KLRG1: variants seen among roughly 807,000 people sequenced by gnomAD.
The protein encoded by KLRG1 is killer cell lectin like receptor G1, also known as killer cell lectin-like receptor subfamily G member 1.
KLRG1 carries 16 observed loss-of-function variants against 21.8 expected under a neutral mutation model. The ratio of observed to expected loss-of-function variants is 0.73; its 90% CI spans 0.50 to 1.11. The LOEUF is 1.11. KLRG1 is among the 50% of genes most tolerant of loss of function. KLRG1 has a pLI of 0.00. For missense variants in KLRG1, 173 were observed against 218.3 expected (o/e 0.79, Z 1.31); for synonymous variants, 69 against 75.9 (o/e 0.91, Z 0.47).
At chr12:9,061,588 A>G in the KLRG1 span, among the ~76,000 whole-genome samples, 1 of 152,194 alleles carries the variant, frequency 6.6e-6, no homozygotes, top group Non-Finnish European at 1.5e-5. Flanking sequence ...CTTAAGTAGA[A>G]GGATCTCTTG....
the KLRG1 span, chr12:9,072,754 C>G: frequency 6.2e-7 from 1 of 1,614,198 alleles, no homozygotes; most frequent in Non-Finnish European, 8.5e-7. Context: ...TTGTTGTCCA[C>G]TTGGAATTTG....
At chr12:8,958,712 C>T (rs1400569353) in intron 1 of KLRG1, among the ~76,000 whole-genome samples, 1 of 152,134 alleles carries the variant, frequency 6.6e-6, no homozygotes, top group Non-Finnish European at 1.5e-5. Flanking sequence ...TAAGAATTAG[C>T]TGAGCGTGGT....
chr12:9,172,128 A>T, the KLRG1 span, among the ~76,000 whole-genome samples: 1 of 152,218 alleles, frequency 6.6e-6, no homozygotes, highest in African/African-American at 2.4e-5. Flanking sequence ...AACATATCAT[A>T]CTAACAGTGG....
the KLRG1 span, among the ~76,000 whole-genome samples, chr12:9,092,024 C>A: frequency 6.6e-6 from 1 of 152,198 alleles, no homozygotes; most frequent in Non-Finnish European, 1.5e-5. Context: ...AATTAGCTAA[C>A]AGCTCCCAGT....
At chr12:9,111,827 A>G in the KLRG1 span, among the ~76,000 whole-genome samples, 1 of 152,188 alleles carries the variant, frequency 6.6e-6, no homozygotes, top group African/African-American at 2.4e-5. Context: ...AAAAATCTAA[A>G]TCTTTAAAAT....
chr12:9,182,663 A>T, the KLRG1 span, among the ~76,000 whole-genome samples: 2 of 152,216 alleles, frequency 1.3e-5, no homozygotes, highest in African/African-American at 2.4e-5. Context: ...GAAGCATTAA[A>T]TGGTACCAGA....
the KLRG1 span, chr12:9,169,946 T>A: frequency 6.2e-6 from 1 of 162,440 alleles, no homozygotes; most frequent in Non-Finnish European, 1.3e-5. Flanking sequence ...AGCTACATAT[T>A]ATTATTGCCA....
the KLRG1 span, among the ~76,000 whole-genome samples, chr12:9,071,025 G>T: frequency 6.6e-6 from 1 of 151,978 alleles, no homozygotes; most frequent in Non-Finnish European, 1.5e-5. Context: ...TCTCCATGTT[G>T]GTCAGGCTGG....
the KLRG1 span, among the ~76,000 whole-genome samples, chr12:9,140,979 A>G: frequency 3.5e-4 from 54 of 152,356 alleles, 1 homozygote; most frequent in East Asian, 8.9e-3. Flanking sequence ...GGAAATAACT[A>G]TATTGCCATA....
chr12:9,215,031 T>TC, the KLRG1 span, among the ~76,000 whole-genome samples: 4 of 152,042 alleles, frequency 2.6e-5, no homozygotes, highest in African/African-American at 9.7e-5. Context: ...TGAATTTTTT[T>TC]CCCTCTCATT....
In KLRG1 at chr12:8,975,339, A is replaced by G. The variant is rs1422812255; in HGVS notation, c.-155-16867A>G. ...TTTTGAATACTGATTTATTCTCCTC[A>G]TTTATTATTGATATTTTCAGGTTTT... On this transcript the variant is annotated intron_variant, in intron 1 of 4. Transcript: ENST00000539240. 2.6e-5 allele frequency among the ~76,000 whole-genome samples: 4 copies of G among 152,060 alleles called. No individual in the cohort carries two copies. The South Asian group carries it at 6.2e-4, about 24-fold the overall frequency.
the KLRG1 span, chr12:9,095,441 C>G: frequency 8.3e-7 from 1 of 1,205,972 alleles, no homozygotes; most frequent in Non-Finnish European, 1.2e-6. Context: ...TCCCATTACC[C>G]TCAACTAGGA....
the KLRG1 span, among the ~76,000 whole-genome samples, chr12:9,085,033 C>T: frequency 1.3e-5 from 2 of 151,866 alleles, no homozygotes; most frequent in African/African-American, 4.8e-5. Context: ...ATATATAAAA[C>T]AAATATTAAA....
the KLRG1 span, chr12:9,149,660 C>T: frequency 6.5e-7 from 1 of 1,545,618 alleles, no homozygotes. Flanking sequence ...AGGGACCATG[C>T]TAAATCTGTC....
the KLRG1 span, among the ~76,000 whole-genome samples, chr12:9,096,125 G>A: frequency 2.1e-4 from 32 of 152,226 alleles, no homozygotes; most frequent in Non-Finnish European, 3.5e-4. Context: ...TTCTTTGAGC[G>A]CTCTCATTGC....
chr12:9,070,960 A>G, the KLRG1 span, among the ~76,000 whole-genome samples: 1 of 152,058 alleles, frequency 6.6e-6, no homozygotes, highest in Non-Finnish European at 1.5e-5. Flanking sequence ...AGCTGGGATT[A>G]CAGGCATGCA....
At chr12:9,206,750 A>G in the KLRG1 span, among the ~76,000 whole-genome samples, 2 of 152,016 alleles carry the variant, frequency 1.3e-5, no homozygotes, top group African/African-American at 2.4e-5. Flanking sequence ...GCTTGTGACA[A>G]CTAGGGCATG....
chr12:9,180,896 A>C, the KLRG1 span: 5 of 1,435,446 alleles, frequency 3.5e-6, no homozygotes, highest in African/African-American at 5.8e-5. Flanking sequence ...TTCGCAACCT[A>C]CTCATCTGAC....
chr12:8,953,290 A>T (rs893020679), intron 1 of KLRG1, among the ~76,000 whole-genome samples: 1 of 152,154 alleles, frequency 6.6e-6, no homozygotes, highest in Non-Finnish European at 1.5e-5. Context: ...TTCTCACCCA[A>T]TGTGGCTAGG....
Sources: allele counts gnomAD v4.1 joint callset (sites outside exome capture counted in the v4.1 genomes callset), GRCh38; gene constraint gnomAD v4.1.1; transcripts MANE v1.5; gene names NCBI Gene and HGNC (gene_info 2026-07-23, HGNC 2026-07-21).